The following CATSPERZ variants were observed in gnomAD, a reference collection of about 807,000 sequenced individuals.
CATSPERZ encodes catsper channel auxiliary subunit zeta, also known as cation channel sperm-associated auxiliary subunit zeta.
Under a neutral mutation model 21.7 loss-of-function variants are expected in CATSPERZ, and 21 were observed. The observed-to-expected ratio is 0.97, with a 90% CI of 0.69 to 1.39. The LOEUF (loss-of-function observed/expected upper bound fraction) is 1.39. Ranked by LOEUF, CATSPERZ falls within the 40% of genes most tolerant of loss-of-function variation. The pLI, the probability that CATSPERZ is intolerant of heterozygous loss-of-function variation, is 0.00. For synonymous variants in CATSPERZ, 127 were observed against 108.7 expected (o/e 1.17, Z -1.05); for missense variants, 234 against 259.5 (o/e 0.90, Z 0.68).
intron 3 of CATSPERZ, 58 bp downstream of exon 3, chr11:64,303,619 G>T (rs1049685379): frequency 4.5e-6 from 7 of 1,554,340 alleles, no homozygotes; most frequent in Non-Finnish European, 6.1e-6. Context: ...GCAAATTGGG[G>T]GTTGATAGGA....
At position 64,300,441 on chromosome 11, in the gene CATSPERZ, C is replaced by T; in HGVS notation, c.21+10C>T. On this transcript the variant is annotated intron_variant, in intron 1 of 4. Transcript: ENST00000328404. ...GGAAAAGCCTTCGAAAGTAAGACGT[C>T]TCCCTAGGCCCCTTACCCTGTCCGC... The T allele has an allele frequency of 6.6e-7, 1 of 1,518,280 alleles. No individual in the cohort carries two copies. The highest frequency in any genetic ancestry group is 8.9e-7 in the Non-Finnish European group (1 of 1,119,990). 94.1% of individuals were successfully genotyped at this position (1,518,280 alleles called of 1,614,324 possible). A position where few individuals can be genotyped will look rare whatever the true frequency, so the allele number is the denominator to read the frequency against.
rs1472395035 is a variant in CATSPERZ, at chr11:64,300,387, G to A, written c.-24G>A. Reference sequence around the variant, plus strand: ...CCCTTCTCGTCTCGAGGCCTGTGGCGTCTGGGTCCGTTGGGGCAGAACCAT... The same window carrying A: ...CCCTTCTCGTCTCGAGGCCTGTGGCATCTGGGTCCGTTGGGGCAGAACCAT... On this transcript the variant is annotated 5_prime_UTR_variant, in exon 1 of 5. Coordinates refer to ENST00000328404, the MANE Select transcript of CATSPERZ (RefSeq NM_001039496.2). The A allele has an allele frequency of 1.4e-6, 2 of 1,431,662 alleles. No homozygotes were observed. Among genetic ancestry groups the A allele is most frequent in the Non-Finnish European group, 1.9e-6 (2 of 1,065,170 alleles). 88.7% of individuals were successfully genotyped at this position (1,431,662 alleles called of 1,614,324 possible). A position where few individuals can be genotyped will look rare whatever the true frequency, so the allele number is the denominator to read the frequency against.
intron 2 of CATSPERZ, 27 bp from the exon 3 acceptor site, chr11:64,303,455 G>T: frequency 6.3e-7 from 1 of 1,595,746 alleles, no homozygotes; most frequent in South Asian, 1.1e-5. Context: ...GTCTGCGGAT[G>T]ACTAACCCTT....
chr11:64,302,349 C>T lies in CATSPERZ; in HGVS notation c.353-1133C>T, dbSNP rs542137536. 2.2e-4 allele frequency among the ~76,000 whole-genome samples: 33 copies of T among 151,616 alleles called. No individual in the cohort carries two copies. In the South Asian group the frequency reaches 5.4e-3, roughly 25 times the overall value. On this transcript the variant is annotated intron_variant, in intron 2 of 4. Coordinates refer to ENST00000328404, the MANE Select transcript of CATSPERZ (RefSeq NM_001039496.2). ...AGGCTGGAGTGCAGTGGTGCCATCT[C>T]GGCTCACTGCAAGCTCTGCCTCCCA... is the stretch of plus-strand genomic sequence containing the variant.
chr11:64,302,366 T>G (rs2034940246), intron 2 of CATSPERZ, among the ~76,000 whole-genome samples: 1 of 151,836 alleles, frequency 6.6e-6, no homozygotes, highest in Non-Finnish European at 1.5e-5. Flanking sequence ...CTGCAAGCTC[T>G]GCCTCCCAGG....
Position 64,300,851 on chromosome 11 carries a change from G to A in CATSPERZ, c.216G>A (p.Ser72=), listed in dbSNP as rs1341444268. 1.3e-6 allele frequency: 2 copies of A among 1,558,870 alleles called. No homozygotes were observed. The highest frequency in any genetic ancestry group is 8.7e-7 in the Non-Finnish European group (1 of 1,152,662). ...TRGWHSPGRG[S]LDEGYKASHK... ...GGTGGCACAGCCCGGGGCGGGGCTC[G>A]TTGGACGAGGGGTACAAGGCCAGCC... The change falls in exon 2 of 5, where the codon TCG becomes TCA. Residue 72 remains serine, a synonymous_variant. Coordinates refer to ENST00000328404, the MANE Select transcript of CATSPERZ (RefSeq NM_001039496.2).
chr11:64,301,491 C>T (rs893893637), intron 2 of CATSPERZ, among the ~76,000 whole-genome samples: 4 of 150,860 alleles, frequency 2.7e-5, no homozygotes, highest in African/African-American at 2.4e-5. Flanking sequence ...CTGCAACCTC[C>T]GCCTCCCGAG....
chr11:64,303,160 A>C (rs2034955506), intron 2 of CATSPERZ, among the ~76,000 whole-genome samples: 2 of 152,182 alleles, frequency 1.3e-5, no homozygotes, highest in South Asian at 4.2e-4. Flanking sequence ...TGGCCTCCCA[A>C]AGTGCTAGGA....
Position 64,300,929 on chromosome 11 carries a change from C to T in CATSPERZ, c.294C>T (p.Arg98=), listed in dbSNP as rs760214843. ...EHALVELELH[R]GSSMEINLGE... ...CGCTGGTGGAGCTGGAGTTGCACCG[C>T]GGCAGCTCCATGGAAATCAATCTGG... The change falls in exon 2 of 5, where the codon CGC becomes CGT. Residue 98 remains arginine (R), a synonymous_variant. Coordinates refer to ENST00000328404, the MANE Select transcript of CATSPERZ (RefSeq NM_001039496.2). The T allele has an allele frequency of 1.3e-6, 2 of 1,581,424 alleles. No homozygotes were observed. Among genetic ancestry groups the T allele is most frequent in the Non-Finnish European group, 1.7e-6 (2 of 1,164,806 alleles).
chr11:64,303,334 G>T, intron 2 of CATSPERZ, 148 bp from the exon 3 acceptor site: 1 of 644,042 alleles, frequency 1.6e-6, no homozygotes, highest in South Asian at 1.9e-5. Flanking sequence ...GCCCAGGGTT[G>T]TAACCTCTGT....
intron 4 of CATSPERZ, 75 bp downstream of exon 4, chr11:64,303,914 G>T: frequency 6.7e-7 from 1 of 1,489,850 alleles, no homozygotes; most frequent in Non-Finnish European, 9.1e-7. Context: ...GCCCAGGGGG[G>T]TGGGGTTTCA....
intron 1 of CATSPERZ, 51 bp from the exon 2 acceptor site, chr11:64,300,606 C>A: frequency 6.6e-7 from 1 of 1,514,144 alleles, no homozygotes; most frequent in African/African-American, 1.4e-5. Context: ...CTCTTCCTTC[C>A]CGCTCCAGCC....
intron 2 of CATSPERZ, among the ~76,000 whole-genome samples, chr11:64,301,600 C>T (rs1018445400): frequency 2.0e-5 from 3 of 152,050 alleles, no homozygotes; most frequent in Admixed American, 6.6e-5. Context: ...TCTCGAACTC[C>T]TGACCTCAAG....
intron 4 of CATSPERZ, 111 bp downstream of exon 4, chr11:64,303,950 C>A (rs1042355955): frequency 1.9e-6 from 2 of 1,049,652 alleles, no homozygotes; most frequent in Non-Finnish European, 2.8e-6. Flanking sequence ...TGTCAGATGC[C>A]CTTGGCACTC....
Position 64,303,824 on chromosome 11 carries a change from AC to A in CATSPERZ, c.486del (p.Ala164ProfsTer7). The A allele has an allele frequency of 6.3e-7, 1 of 1,597,912 alleles. No individual in the cohort carries two copies. Among genetic ancestry groups the A allele is most frequent in the Non-Finnish European group, 8.5e-7 (1 of 1,172,534 alleles). On this transcript the variant is annotated frameshift_variant, in exon 4 of 5. Coordinates refer to ENST00000328404, the MANE Select transcript of CATSPERZ (RefSeq NM_001039496.2). LOFTEE classifies it low-confidence loss of function (END_TRUNC). ...GGAGAATGAAGCTCTGGAAATCCTC[AC>A]CAAAGCCCTCCGGAGTAAGCTCCCC... ...LMENEALEILTKALRSYQLGI... is the reference protein window; with the variant it reads ...LMENEALEILXKALRSYQLGI...
intron 2 of CATSPERZ, among the ~76,000 whole-genome samples, chr11:64,302,672 A>G (rs2034946030): frequency 1.3e-5 from 2 of 152,186 alleles, no homozygotes; most frequent in Admixed American, 1.3e-4. Flanking sequence ...TCCCCGGTTC[A>G]AGCAATTCTC....
chr11:64,301,148 A>T (rs1294660849), intron 2 of CATSPERZ, among the ~76,000 whole-genome samples, 161 bp downstream of exon 2: 3 of 152,252 alleles, frequency 2.0e-5, no homozygotes, highest in Non-Finnish European at 4.4e-5. Flanking sequence ...TAAATCCGCC[A>T]GGCATTCTTG....
chr11:64,300,369 C>G lies in CATSPERZ; in HGVS notation c.-42C>G, dbSNP rs1483248474. The G allele has an allele frequency of 7.1e-7, 1 of 1,418,010 alleles. No homozygotes were observed. Among genetic ancestry groups the G allele is most frequent in the Non-Finnish European group, 9.5e-7 (1 of 1,056,808 alleles). The allele number at this position is 1,418,010 out of a possible 1,614,324, so 87.8% of individuals were successfully genotyped here. A position where few individuals can be genotyped will look rare whatever the true frequency, so the allele number is the denominator to read the frequency against. On this transcript the variant is annotated 5_prime_UTR_variant, in exon 1 of 5. Transcript: ENST00000328404. Reference sequence around the variant, plus strand: ...CTTCCTGGAGCGTTGACTCCCTTCTCGTCTCGAGGCCTGTGGCGTCTGGGT... The same window carrying G: ...CTTCCTGGAGCGTTGACTCCCTTCTGGTCTCGAGGCCTGTGGCGTCTGGGT...
At position 64,304,645 on chromosome 11, in the gene CATSPERZ, A is replaced by T. The variant is rs1400525322; in HGVS notation, c.602A>T (p.Ter201LeuextTer24). Residue 201 changes from the stop codon to leucine (L), a stop_lost, in exon 5 of 5, where the codon TAA becomes TTA. Coordinates refer to ENST00000328404, the MANE Select transcript of CATSPERZ (RefSeq NM_001039496.2). The stretch of plus-strand genomic sequence containing the variant: ...CGGAGCAAGAGGCTGTACGTGAATT[A>T]AAAACGCCACCTTGGGCTCGAGCAG... ...KRRSKRLYVN* is the reference protein window; with the variant it reads ...KRRSKRLYVNL The T allele has an allele frequency of 8.3e-6, 13 of 1,565,084 alleles. No individual in the cohort carries two copies. In the African/African-American group the frequency reaches 1.1e-4, roughly 13 times the overall value.
Sources: allele counts gnomAD v4.1 joint callset (sites outside exome capture counted in the v4.1 genomes callset), GRCh38; gene constraint gnomAD v4.1.1; transcripts MANE v1.5; gene names NCBI Gene and HGNC (gene_info 2026-07-23, HGNC 2026-07-21).